The following PTPRA variants were observed in gnomAD, a reference collection of about 807,000 sequenced individuals.
PTPRA encodes the protein protein tyrosine phosphatase receptor type A, also known as receptor-type tyrosine-protein phosphatase alpha.
Under a neutral mutation model 104.8 loss-of-function variants are expected in PTPRA, and 25 were observed. That is an observed-to-expected ratio of 0.24 (90% CI 0.17 to 0.33). The LOEUF is 0.33. PTPRA is among the 10% of genes least tolerant of loss of function. The probability of loss-of-function intolerance (pLI) is 1.00; values close to 1 mark genes in which losing one functional copy is unlikely to be tolerated. For synonymous variants in PTPRA, 323 were observed against 368.9 expected (o/e 0.88, Z 1.43); for missense variants, 765 against 1,015.3 (o/e 0.75, Z 3.35).
At chr20:3,036,504 G>C (rs981926486) in intron 22 of PTPRA, among the ~76,000 whole-genome samples, 6 of 152,246 alleles carry the variant, frequency 3.9e-5, no homozygotes, top group African/African-American at 1.4e-4. Flanking sequence ...ATGGGCCTGA[G>C]ATGCCAGTTT....
chr20:2,923,683 C>T (rs1454359073), intron 2 of PTPRA, among the ~76,000 whole-genome samples: 1 of 152,082 alleles, frequency 6.6e-6, no homozygotes, highest in Non-Finnish European at 1.5e-5. Flanking sequence ...CCTGTAATCC[C>T]AGCTACTCGG....
intron 3 of PTPRA, among the ~76,000 whole-genome samples, chr20:2,959,386 G>T (rs1164612786): frequency 6.6e-6 from 1 of 152,120 alleles, no homozygotes; most frequent in Non-Finnish European, 1.5e-5. Flanking sequence ...ATATTCATTT[G>T]ATTAGTGGGG....
Position 2,957,264 on chromosome 20 carries a change from G to A in PTPRA, c.-6-7008G>A, listed in dbSNP as rs571633790. Among the ~76,000 whole-genome samples, 8 of 152,308 alleles carry A rather than the reference G, an allele frequency of 5.3e-5. No homozygotes were observed. The South Asian group carries it at 1.2e-3, about 24-fold the overall frequency. The stretch of plus-strand genomic sequence containing the variant: ...CGCGCCACAACATTCGAGCCTGGGC[G>A]ACAGAGCGAGACTCCGTCTCAAATA... On this transcript the variant is annotated intron_variant, in intron 3 of 23. Coordinates refer to ENST00000399903, the MANE Select transcript of PTPRA (RefSeq NM_001385305.1).
At position 2,891,065 on chromosome 20, in the gene PTPRA, A is replaced by G. The variant is rs1432608635; in HGVS notation, c.-129+17305A>G. ...TATAATCTCTATCTTGATGAATGGC[A>G]CAACACAGTGACCCAAACTGGAAAC... On this transcript the variant is annotated intron_variant, in intron 1 of 23. Transcript: ENST00000399903. 2.6e-5 allele frequency among the ~76,000 whole-genome samples: 4 copies of G among 152,180 alleles called. No individual in the cohort carries two copies. The East Asian group carries it at 7.7e-4, about 29-fold the overall frequency.
intron 1 of PTPRA, among the ~76,000 whole-genome samples, chr20:2,897,937 A>T (rs1600079399): frequency 1.1e-5 from 1 of 90,464 alleles, no homozygotes. Flanking sequence ...TTTGAGACAG[A>T]GTTTTGCTCT....
At chr20:2,985,337 ACG>A (rs1369974998) in intron 6 of PTPRA, among the ~76,000 whole-genome samples, 1 of 152,212 alleles carries the variant, frequency 6.6e-6, no homozygotes, top group African/African-American at 2.4e-5. Flanking sequence ...GAGAAGAGAG[ACG>A]CGAGGCTGGT....
chr20:2,974,750 A>T (rs1223479342), intron 5 of PTPRA, among the ~76,000 whole-genome samples: 1 of 152,134 alleles, frequency 6.6e-6, no homozygotes, highest in African/African-American at 2.4e-5. Context: ...ATTTTATTGC[A>T]TTGGGACAAA....
At chr20:2,906,560 C>A (rs1278276501) in intron 1 of PTPRA, among the ~76,000 whole-genome samples, 1 of 152,110 alleles carries the variant, frequency 6.6e-6, no homozygotes, top group Non-Finnish European at 1.5e-5. Context: ...ATAATAAACA[C>A]AATTTATTGA....
chr20:2,898,461 G>A (rs1035090303), intron 1 of PTPRA, among the ~76,000 whole-genome samples: 46 of 150,530 alleles, frequency 3.1e-4, no homozygotes, highest in African/African-American at 1.0e-3. Context: ...TGATCCGCCC[G>A]CCTTGGCTTC....
At chr20:2,981,354 C>T (rs945335638) in intron 6 of PTPRA, among the ~76,000 whole-genome samples, 8 of 152,192 alleles carry the variant, frequency 5.3e-5, no homozygotes, top group African/African-American at 9.6e-5. Context: ...GTTAGAATGG[C>T]GTGAGTATAG....
intron 1 of PTPRA, among the ~76,000 whole-genome samples, chr20:2,876,215 C>G (rs1033183739): frequency 6.6e-6 from 1 of 152,102 alleles, no homozygotes; most frequent in Admixed American, 6.5e-5. Context: ...TAGAGAGAAT[C>G]CTGCTCAATT....
At chr20:2,866,612 C>T in the PTPRA span, 2 of 1,609,708 alleles carry the variant, frequency 1.2e-6, no homozygotes, top group Admixed American at 1.7e-5. Flanking sequence ...GGGGTTCCTC[C>T]CCTAGCACCT....
chr20:2,894,756 G>A (rs1403577608), intron 1 of PTPRA, among the ~76,000 whole-genome samples: 3 of 152,026 alleles, frequency 2.0e-5, no homozygotes, highest in African/African-American at 7.2e-5. Context: ...GGAGGCTGAG[G>A]CGGGTGGATC....
intron 9 of PTPRA, among the ~76,000 whole-genome samples, chr20:2,998,478 G>A (rs1351081359): frequency 1.3e-5 from 2 of 152,152 alleles, no homozygotes; most frequent in Admixed American, 6.5e-5. Flanking sequence ...CTGTGACAAG[G>A]GCTTTGGAAT....
chr20:2,869,292 T>C (rs930597454), upstream of PTPRA, among the ~76,000 whole-genome samples: 2 of 152,162 alleles, frequency 1.3e-5, no homozygotes, highest in African/African-American at 4.8e-5. Context: ...TACTTCAGTA[T>C]GCATTTCAAT....
At chr20:2,901,414 C>T (rs2059232879) in intron 1 of PTPRA, among the ~76,000 whole-genome samples, 1 of 152,052 alleles carries the variant, frequency 6.6e-6, no homozygotes, top group Admixed American at 6.6e-5. Flanking sequence ...TTTTTAGTTC[C>T]TTTGAACAGA....
intron 1 of PTPRA, among the ~76,000 whole-genome samples, chr20:2,884,850 C>T (rs180985306): frequency 1.3e-4 from 19 of 150,910 alleles, no homozygotes; most frequent in Admixed American, 1.3e-3. Flanking sequence ...CGCTCTGTCG[C>T]CCAGGCTGGA....
chr20:3,003,954 T>C (rs754044080), intron 9 of PTPRA, among the ~76,000 whole-genome samples: 1 of 152,238 alleles, frequency 6.6e-6, no homozygotes, highest in Non-Finnish European at 1.5e-5. Context: ...TGAATACTTA[T>C]TCTTTGCTAC....
Position 3,022,344 on chromosome 20 carries a change from A to C in PTPRA, c.1328+124A>C. The C allele has an allele frequency of 8.0e-7, 1 of 1,245,896 alleles. No homozygotes were observed. Among genetic ancestry groups the C allele is most frequent in the Non-Finnish European group, 1.1e-6 (1 of 892,592 alleles). The allele number at this position is 1,245,896 out of a possible 1,614,324, so 77.2% of individuals were successfully genotyped here. On this transcript the variant is annotated intron_variant, in intron 15 of 23. Coordinates refer to ENST00000399903, the MANE Select transcript of PTPRA (RefSeq NM_001385305.1). The surrounding 1 kb of genome is among the most constrained non-coding windows in gnomAD (Gnocchi z 4.6). ...AGAGTAGATGACCTACTGGGGCACC[A>C]GCGCAACAGCCAGAGACTCCAAGTT...
Sources: allele counts gnomAD v4.1 joint callset (sites outside exome capture counted in the v4.1 genomes callset), GRCh38; gene constraint gnomAD v4.1.1; non-coding constraint Gnocchi (gnomAD v3.1); transcripts MANE v1.5; gene names NCBI Gene and HGNC (gene_info 2026-07-23, HGNC 2026-07-21).